The following CYP4A11 variants were observed in gnomAD, a reference collection of about 807,000 sequenced individuals.
CYP4A11 encodes the protein cytochrome P450 family 4 subfamily A member 11.
Under a neutral mutation model 57.7 loss-of-function variants are expected in CYP4A11, and 52 were observed. The ratio of observed to expected loss-of-function variants is 0.90; its 90% CI spans 0.72 to 1.14. The LOEUF (loss-of-function observed/expected upper bound fraction) is 1.14. CYP4A11 is among the 50% of genes most tolerant of loss of function. The pLI is 0.00. For synonymous variants in CYP4A11, 228 were observed against 247.1 expected, an observed-to-expected ratio of 0.92 and a Z score of 0.72; for missense variants, 641 against 642.1, an observed-to-expected ratio of 1.00 and a Z score of 0.02.
chr1:46,935,691 G>A, intron 4 of CYP4A11, 44 bp from the exon 5 acceptor site: 1 of 1,587,536 alleles, frequency 6.3e-7, no homozygotes, highest in Non-Finnish European at 8.6e-7. Context: ...TCCAAGAAGT[G>A]CTTTGCTAAT....
intron 1 of CYP4A11, chr1:46,940,661 G>T (rs538241784): frequency 2.0e-6 from 2 of 985,208 alleles, no homozygotes; most frequent in Non-Finnish European, 2.4e-6. Flanking sequence ...TGGAAATTCC[G>T]TGAGTCTTGG....
At chr1:46,934,154 C>A (rs1177785921) in intron 8 of CYP4A11, 22 bp downstream of exon 8, 1 of 1,612,302 alleles carries the variant, frequency 6.2e-7, no homozygotes, top group East Asian at 2.2e-5. Context: ...CAGGGAACCC[C>A]ATCTTTTGAG....
intron 9 of CYP4A11, among the ~76,000 whole-genome samples, chr1:46,933,391 T>G (rs9333015): frequency 1.9e-3 from 284 of 152,308 alleles, no homozygotes; most frequent in African/African-American, 6.5e-3. Flanking sequence ...AAGTAAGACA[T>G]TCTTTTGCTC....
intron 11 of CYP4A11, 113 bp downstream of exon 11, chr1:46,932,648 T>C: frequency 1.3e-6 from 2 of 1,596,460 alleles, no homozygotes; most frequent in African/African-American, 1.3e-5. Context: ...AATACCAACA[T>C]TTAAGAGCAC....
rs1256650393 is a variant in CYP4A11 at position 46,937,422 on chromosome 1, G to T, written c.338-76C>A. The T allele has an allele frequency of 4.0e-6, 6 of 1,504,064 alleles. No individual in the cohort carries two copies. In the East Asian group the frequency reaches 6.8e-5, roughly 17 times the overall value. 93.2% of individuals were successfully genotyped at this position (1,504,064 alleles called of 1,614,324 possible). A position where few individuals can be genotyped will look rare whatever the true frequency, so the allele number is the denominator to read the frequency against. On this transcript the variant is annotated intron_variant, in intron 2 of 11. Coordinates refer to ENST00000310638, the MANE Select transcript of CYP4A11 (RefSeq NM_000778.4). ...AGTCTTAGAGGCTGCATCAATTCTT[G>T]GTGTCTGTCAGTTGGCAGTTTGACC...
intron 1 of CYP4A11, 66 bp downstream of exon 1, chr1:46,941,173 T>C: frequency 2.6e-6 from 4 of 1,554,418 alleles, no homozygotes; most frequent in Non-Finnish European, 3.5e-6. Context: ...CTATGGATTT[T>C]GTGACCAGGG....
At chr1:46,940,410 C>A (rs920761155) in intron 1 of CYP4A11, among the ~76,000 whole-genome samples, 1 of 152,216 alleles carries the variant, frequency 6.6e-6, no homozygotes, top group Admixed American at 6.5e-5. Context: ...GCTCTACACA[C>A]CTGAGCTGAT....
chr1:46,933,120 C>T, intron 9 of CYP4A11, 73 bp from the exon 10 acceptor site: 2 of 1,587,604 alleles, frequency 1.3e-6, no homozygotes, highest in Middle Eastern at 1.7e-4. Flanking sequence ...AGCCAGCAGG[C>T]ACAAAAGAAG....
intron 6 of CYP4A11, 107 bp from the exon 7 acceptor site, chr1:46,934,666 A>G (rs1329399432): frequency 1.1e-5 from 12 of 1,134,480 alleles, no homozygotes; most frequent in African/African-American, 3.1e-5. Flanking sequence ...TCTCAGCATG[A>G]ATGTGAGTGT....
At position 46,932,772 on chromosome 1, in the gene CYP4A11, T is replaced by A; in HGVS notation, c.1353A>T (p.Ser451=). 1 of 1,614,150 alleles carries A rather than the reference T, an allele frequency of 6.2e-7. No homozygotes were observed. Residue 451 remains serine (S), a synonymous_variant, in exon 11 of 12, where the codon TCA becomes TCT. Coordinates refer to ENST00000310638, the MANE Select transcript of CYP4A11 (RefSeq NM_000778.4). ...AQHSHAFLPF[S]GGSRNCIGKQ... is the part of the protein sequence containing the mutation. ...ACAGGACGTCTCACCTTGATCCTCCTGAGAAGGGCAGGAAAGCGTGGCTGT... is the reference window on the plus strand; with the variant it reads ...ACAGGACGTCTCACCTTGATCCTCCAGAGAAGGGCAGGAAAGCGTGGCTGT...
rs1681621982 is a variant in CYP4A11 at position 46,939,538 on chromosome 1, T to C, written c.196-1401A>G. 5.3e-5 allele frequency among the ~76,000 whole-genome samples: 8 copies of C among 152,196 alleles called. No individual in the cohort carries two copies. In the South Asian group the frequency reaches 1.7e-3, roughly 32 times the overall value. ...GAGTCATCATTTACTGAGGGACTAT[T>C]GGGTTACAAACATAAATCAGAGATG... On this transcript the variant is annotated intron_variant, in intron 1 of 11. Transcript: ENST00000310638.
intron 9 of CYP4A11, 80 bp from the exon 10 acceptor site, chr1:46,933,127 G>C (rs558960250): frequency 6.3e-7 from 1 of 1,580,240 alleles, no homozygotes; most frequent in Non-Finnish European, 8.6e-7. Flanking sequence ...AGGCACAAAA[G>C]AAGGCCCAAA....
At chr1:46,933,163 T>G (rs1235979217) in intron 9 of CYP4A11, 116 bp from the exon 10 acceptor site, 3 of 1,459,070 alleles carry the variant, frequency 2.1e-6, no homozygotes, top group East Asian at 4.5e-5. Flanking sequence ...AAATTTTCAC[T>G]TTGACTGGGA....
chr1:46,933,212 G>A (rs1681140987), intron 9 of CYP4A11, among the ~76,000 whole-genome samples, 165 bp from the exon 10 acceptor site: 1 of 152,200 alleles, frequency 6.6e-6, no homozygotes, highest in East Asian at 1.9e-4. Flanking sequence ...GCTTAACAAA[G>A]CATGTGAGTT....
intron 5 of CYP4A11, 33 bp from the exon 6 acceptor site, chr1:46,935,187 G>C: frequency 1.3e-6 from 2 of 1,598,936 alleles, no homozygotes; most frequent in Non-Finnish European, 1.7e-6. Flanking sequence ...GACTGCAGTA[G>C]GGGTGGGCCC....
chr1:46,935,826 G>A (rs1681355379), intron 4 of CYP4A11, among the ~76,000 whole-genome samples, 179 bp from the exon 5 acceptor site: 1 of 152,252 alleles, frequency 6.6e-6, no homozygotes, highest in Admixed American at 6.5e-5. Context: ...TAAAGCCAGT[G>A]TTGGTAAACT....
At chr1:46,936,838 T>C (rs1481379531) in intron 3 of CYP4A11, 47 bp from the exon 4 acceptor site, 2 of 1,560,296 alleles carry the variant, frequency 1.3e-6, no homozygotes, top group Admixed American at 3.7e-5. Context: ...TGTGTGTGTG[T>C]GTGTGTCAGG....
rs764658837 is a variant in CYP4A11, at chr1:46,934,409, T to C, written c.898-43A>G. The C allele has an allele frequency of 1.6e-5, 26 of 1,587,008 alleles. No homozygotes were observed. In the East Asian group the frequency reaches 5.4e-4, roughly 33 times the overall value. ...AAAATGCAGGGCTTGTCTCTTGCTA[T>C]GTACTTCTGGGCAAAGACTCAGGCC... On this transcript the variant is annotated intron_variant, in intron 7 of 11. Coordinates refer to ENST00000310638, the MANE Select transcript of CYP4A11 (RefSeq NM_000778.4).
rs1680908227 is a variant in CYP4A11 at position 46,929,949 on chromosome 1, AG to A, written c.*165del. The A allele has an allele frequency of 1.0e-6, 1 of 970,708 alleles. No individual in the cohort carries two copies. Among genetic ancestry groups the A allele is most frequent in the Non-Finnish European group, 1.5e-6 (1 of 667,894 alleles). The allele number at this position is 970,708 out of a possible 1,614,324, so 60.1% of individuals were successfully genotyped here. ...CAGGTGGGTAGGAGACAGGTAGACA[AG>A]CAGGTAGGGAGCCTGGAGAAAGGTG... On this transcript the variant is annotated 3_prime_UTR_variant, in exon 12 of 12. Coordinates refer to ENST00000310638, the MANE Select transcript of CYP4A11 (RefSeq NM_000778.4).
Sources: allele counts gnomAD v4.1 joint callset (sites outside exome capture counted in the v4.1 genomes callset), GRCh38; gene constraint gnomAD v4.1.1; transcripts MANE v1.5; gene names NCBI Gene and HGNC (gene_info 2026-07-23, HGNC 2026-07-21).